The following MFSD8 variants were observed in gnomAD, a reference collection of about 807,000 sequenced individuals.
MFSD8 encodes major facilitator superfamily domain-containing protein 8.
A neutral mutation model predicts 66.4 loss-of-function variants in MFSD8; 55 were observed. The ratio of observed to expected loss-of-function variants is 0.83; its 90% CI spans 0.67 to 1.04. The LOEUF (loss-of-function observed/expected upper bound fraction) is 1.04, where lower values mean the gene tolerates loss of function less well. MFSD8 is among the 50% of genes least tolerant of loss of function. MFSD8 has a pLI of 0.00. For missense variants in MFSD8, 550 were observed against 627.6 expected (o/e 0.88, Z 1.32); for synonymous variants, 202 against 212.8 (o/e 0.95, Z 0.44).
rs567826263 is a variant in MFSD8 at position 127,964,214 on chromosome 4, G to T, written c.62+858C>A. ...ACCGGGGCTGCAGGTGGAGCTGCCT[G>T]CCAGTCCCGCGCCGTGCACCCGCAC... On this transcript the variant is annotated intron_variant, in intron 1 of 11. Transcript: ENST00000641686. 4.4e-3 allele frequency among the ~76,000 whole-genome samples: 671 copies of T among 152,386 alleles called. 9 individuals carry two copies. The highest frequency in any genetic ancestry group is 0.015 in the African/African-American group (641 of 41,598).
chr4:127,945,211 T>C (rs948934095), intron 3 of MFSD8: 7 of 152,194 alleles, frequency 4.6e-5, no homozygotes, highest in African/African-American at 1.7e-4. Context: ...TTTTATTAAA[T>C]TTTAGGAAAT....
At chr4:127,960,090 T>C (rs945028347) in intron 1 of MFSD8, among the ~76,000 whole-genome samples, 3 of 152,214 alleles carry the variant, frequency 2.0e-5, no homozygotes, top group Non-Finnish European at 4.4e-5. Context: ...AGTAAAACTG[T>C]AGTACTACAG....
rs565518493 is a variant in MFSD8 at position 127,944,668 on chromosome 4, A to T, written c.199-676T>A. ...GGCACTATTGTTTATTTTTATTTTT[A>T]TTTTTTTTTTGAGACAGGGTCTCAC... is the stretch of plus-strand genomic sequence containing the variant. On this transcript the variant is annotated intron_variant, in intron 3 of 11. Coordinates refer to ENST00000641686, the MANE Select transcript of MFSD8 (RefSeq NM_001371596.2). Among the ~76,000 whole-genome samples, 1,151 of 149,786 alleles carry T rather than the reference A, an allele frequency of 7.7e-3. 10 individuals are homozygous for T. The highest frequency in any genetic ancestry group is 9.4e-3 in the Non-Finnish European group (632 of 67,256).
At chr4:127,920,872 A>T (rs775393230) in intron 11 of MFSD8, 36 bp from the exon 12 acceptor site, 2 of 1,591,110 alleles carry the variant, frequency 1.3e-6, no homozygotes, top group Non-Finnish European at 8.6e-7. Context: ...GCAGATTGAT[A>T]TTGGGGTTTA....
At chr4:127,923,444 T>C (rs943364641) in intron 9 of MFSD8, among the ~76,000 whole-genome samples, 2 of 152,016 alleles carry the variant, frequency 1.3e-5, no homozygotes, top group Admixed American at 6.6e-5. Context: ...GATTTGTGTA[T>C]GTTGAACCAG....
chr4:127,936,622 G>A (rs950569145), intron 7 of MFSD8, among the ~76,000 whole-genome samples: 3 of 151,704 alleles, frequency 2.0e-5, no homozygotes, highest in Non-Finnish European at 4.4e-5. Flanking sequence ...AACTGGGTGG[G>A]ACATATTTAT....
rs374019724 is a variant in MFSD8, at chr4:127,949,862, A to G, written c.155-15T>C. 43 of 1,602,576 alleles carry G rather than the reference A, an allele frequency of 2.7e-5. No individual in the cohort carries two copies. The African/African-American group carries it at 5.5e-4, about 20-fold the overall frequency. Reference sequence around the variant, plus strand: ...TACAGAAAACCCTGTGAAGAAGCAAACTAGGTTATTTATACTTATAATAAT... The same window carrying G: ...TACAGAAAACCCTGTGAAGAAGCAAGCTAGGTTATTTATACTTATAATAAT... On this transcript the variant is annotated splice_polypyrimidine_tract_variant and intron_variant, in intron 2 of 11. Coordinates refer to ENST00000641686, the MANE Select transcript of MFSD8 (RefSeq NM_001371596.2).
intron 1 of MFSD8, among the ~76,000 whole-genome samples, chr4:127,961,217 G>T (rs573711148): frequency 6.6e-6 from 1 of 151,798 alleles, no homozygotes; most frequent in Non-Finnish European, 1.5e-5. Flanking sequence ...TTGTACATAG[G>T]TTCACTTTAC....
Position 127,920,304 on chromosome 4 carries a change from C to T in MFSD8, c.*326G>A, listed in dbSNP as rs962641833. On this transcript the variant is annotated 3_prime_UTR_variant, in exon 12 of 12. Transcript: ENST00000641686. ...TCCACTGTATATTATTTTAATGACA[C>T]TTCTGCAGTGGGTATTAAGAATACA... 5.9e-6 allele frequency: 2 copies of T among 338,446 alleles called. No individual in the cohort carries two copies. The highest frequency in any genetic ancestry group is 2.8e-5 in the South Asian group (1 of 35,976). The allele number at this position is 338,446 out of a possible 1,614,324, so 21.0% of individuals were successfully genotyped here. A position where few individuals can be genotyped will look rare whatever the true frequency, so the allele number is the denominator to read the frequency against.
Position 127,943,907 on chromosome 4 carries a change from C to T in MFSD8, c.284G>A (p.Gly95Asp). ...LGQMVASPIF[G>D]LWSNYRPRKE... is the part of the protein sequence containing the mutation. ...TCTTGGTCTATAATTAGACCATAAA[C>T]CAAATATAGGTGAAGCTACCATTTG... The change falls in exon 4 of 12, where the codon GGT becomes GAT. Residue 95 changes from glycine to aspartate, a missense_variant. Gly to Asp is a moderately conservative substitution (Grantham distance 94). Coordinates refer to ENST00000641686, the MANE Select transcript of MFSD8 (RefSeq NM_001371596.2). 1.2e-6 allele frequency: 2 copies of T among 1,614,134 alleles called. No homozygotes were observed. The highest frequency in any genetic ancestry group is 1.3e-5 in the African/African-American group (1 of 75,044).
intron 9 of MFSD8, among the ~76,000 whole-genome samples, chr4:127,922,803 A>G (rs1736536769): frequency 6.6e-6 from 1 of 152,188 alleles, no homozygotes; most frequent in African/African-American, 2.4e-5. Flanking sequence ...GATTCTCTTC[A>G]TGGTAAGTAT....
At chr4:127,943,390 GT>G (rs1007166099) in intron 4 of MFSD8, 7,571 of 195,350 alleles carry the variant, frequency 0.039, no homozygotes, top group South Asian at 0.087. Context: ...TTTGTTTTGG[GT>G]TTTTTTTTTT....
intron 9 of MFSD8, among the ~76,000 whole-genome samples, chr4:127,923,552 T>TTTTTTATTATTATTA: frequency 7.7e-6 from 1 of 130,578 alleles, no homozygotes; most frequent in Non-Finnish European, 1.6e-5. Context: ...TTTATTTTTA[T>TTTTTTATTATTATTA]TTATTATTAT....
chr4:127,933,340 G>A (rs1328280506), intron 7 of MFSD8: 3 of 340,516 alleles, frequency 8.8e-6, no homozygotes, highest in Non-Finnish European at 1.7e-5. Context: ...GACCTCCCCA[G>A]GCTCAGGTGA....
rs1407047984 is a variant in MFSD8 at position 127,949,839 on chromosome 4, C to T, written c.163G>A (p.Val55Ile). ...TATGGCCATATGGACATCATCACTA[C>T]AGAAAACCCTGTGAAGAAGCAAACT... is the stretch of plus-strand genomic sequence containing the variant. ...TMFLSSVGFS[V>I]VMMSIWPYLQ... The change falls in exon 3 of 12, where the codon GTA becomes ATA. Residue 55 changes from valine to isoleucine, a missense_variant. By Grantham distance (29) the Val-to-Ile change is conservative. Coordinates refer to ENST00000641686, the MANE Select transcript of MFSD8 (RefSeq NM_001371596.2). The T allele has an allele frequency of 1.2e-6, 2 of 1,610,376 alleles. No homozygotes were observed. Among genetic ancestry groups the T allele is most frequent in the East Asian group, 2.2e-5 (1 of 44,708 alleles).
intron 1 of MFSD8, among the ~76,000 whole-genome samples, chr4:127,960,447 T>C (rs139829626): frequency 0.02 from 3,001 of 152,216 alleles, 91 homozygotes; most frequent in African/African-American, 0.067. Context: ...GGAGAATCAC[T>C]TGAACCTGGG....
intron 6 of MFSD8, chr4:127,939,604 CAAAAAAAAAAAAA>C (rs10553488): frequency 2.5e-5 from 2 of 80,840 alleles, no homozygotes; most frequent in East Asian, 3.8e-4. Context: ...GATCTTGTCT[CAAAAAAAAAAAAA>C]AAAAAAAAAA....
intron 11 of MFSD8, 76 bp from the exon 12 acceptor site, chr4:127,920,912 CA>C: frequency 1.6e-6 from 2 of 1,281,130 alleles, no homozygotes; most frequent in East Asian, 2.5e-5. Context: ...ATGGTATTAC[CA>C]AACTACAGCA....
intron 9 of MFSD8, among the ~76,000 whole-genome samples, chr4:127,923,556 TTA>T (rs56816169): frequency 0.028 from 1,943 of 70,580 alleles, 54 homozygotes; most frequent in African/African-American, 0.095. Context: ...TTTTTATTTA[TTA>T]TTATTATTAT....
Sources: gnomAD v4.1 joint callset for allele counts (sites outside exome capture counted in the v4.1 genomes callset) on GRCh38, gnomAD v4.1.1 for gene constraint, MANE v1.5 for transcripts, NCBI Gene and HGNC (gene_info 2026-07-23, HGNC 2026-07-21) for gene names.